The following CABIN1 variants were observed in gnomAD, a reference collection of about 807,000 sequenced individuals.
The protein encoded by CABIN1 is calcineurin binding protein 1.
In CABIN1, 133 loss-of-function variants were observed where a neutral mutation model predicts 227.7. The observed-to-expected ratio is 0.58, with a 90% CI of 0.51 to 0.67. The LOEUF (loss-of-function observed/expected upper bound fraction) is 0.67, where lower values mean the gene tolerates loss of function less well. Among genes scored for constraint, CABIN1 ranks in the 30% least tolerant of loss-of-function variants. CABIN1 has a pLI of 0.00. For missense variants in CABIN1, 2,408 were observed against 2,852.5 expected, an observed-to-expected ratio of 0.84 and a Z score of 3.55; for synonymous variants, 1,086 against 1,155.1, an observed-to-expected ratio of 0.94 and a Z score of 1.21.
intron 8 of CABIN1, 29 bp from the exon 9 acceptor site, chr22:24,054,844 G>T: frequency 1.2e-6 from 2 of 1,614,130 alleles, no homozygotes; most frequent in South Asian, 2.2e-5. Flanking sequence ...ACAGGGTGGT[G>T]ATCAGGTGTT....
intron 19 of CABIN1, among the ~76,000 whole-genome samples, chr22:24,078,508 T>C (rs1272145585): frequency 1.3e-5 from 2 of 152,216 alleles, no homozygotes; most frequent in African/African-American, 4.8e-5. Context: ...GGAGACCTTT[T>C]GTGTGGATTA....
chr22:24,018,989 GTATT>G lies in CABIN1; in HGVS notation c.-75+7625_-75+7628del, dbSNP rs1472448760. Among the ~76,000 whole-genome samples, 25 of 151,902 alleles carry G rather than the reference GTATT, an allele frequency of 1.6e-4. 1 individual carries two copies. In the South Asian group the frequency reaches 4.0e-3, roughly 24 times the overall value. ...CAGTTTTAATTAACTTTATTCCTAAGTATTTAATGATCTTGTTGCTATTGCAAAT... is the reference window on the plus strand; with the variant it reads ...CAGTTTTAATTAACTTTATTCCTAAGTAATGATCTTGTTGCTATTGCAAAT... On this transcript the variant is annotated intron_variant, in intron 1 of 36. Coordinates refer to ENST00000263119, the MANE Select transcript of CABIN1 (RefSeq NM_012295.4).
chr22:24,156,313 G>A (rs958504248), intron 29 of CABIN1, among the ~76,000 whole-genome samples: 6 of 152,172 alleles, frequency 3.9e-5, no homozygotes, highest in African/African-American at 7.2e-5. Context: ...GGCCGGCGGC[G>A]GGGTGCTGCG....
intron 20 of CABIN1, 30 bp downstream of exon 20, chr22:24,083,419 A>G: frequency 1.2e-6 from 2 of 1,612,934 alleles, no homozygotes; most frequent in Non-Finnish European, 1.7e-6. Context: ...CCCAACAAAG[A>G]GGGAAGCAGG....
chr22:24,178,396 G>T lies in CABIN1; in HGVS notation c.*200G>T. ...CCACACCACATGGGAGCCCAGAGGAGGAGGGGCCCGCCTTAGCCATGTGAA... is the reference window on the plus strand; with the variant it reads ...CCACACCACATGGGAGCCCAGAGGATGAGGGGCCCGCCTTAGCCATGTGAA... On this transcript the variant is annotated 3_prime_UTR_variant, in exon 37 of 37. Coordinates refer to ENST00000263119, the MANE Select transcript of CABIN1 (RefSeq NM_012295.4). The T allele has an allele frequency of 1.6e-6, 1 of 635,272 alleles. No individual in the cohort carries two copies. 39.4% of individuals were successfully genotyped at this position (635,272 alleles called of 1,614,324 possible). A position where few individuals can be genotyped will look rare whatever the true frequency, so the allele number is the denominator to read the frequency against.
At chr22:24,156,527 T>G (rs894210847) in intron 29 of CABIN1, 2 of 154,688 alleles carry the variant, frequency 1.3e-5, no homozygotes, top group Admixed American at 6.5e-5. Flanking sequence ...AGAGCAACTT[T>G]GCGGCGGAAG....
intron 6 of CABIN1, among the ~76,000 whole-genome samples, chr22:24,043,519 A>G (rs1049003756): frequency 6.6e-6 from 1 of 152,068 alleles, no homozygotes; most frequent in African/African-American, 2.4e-5. Context: ...TAGGGGGCCA[A>G]GGCAGGCAGA....
intron 34 of CABIN1, 117 bp downstream of exon 34, chr22:24,172,112 TC>T: frequency 7.8e-7 from 1 of 1,288,448 alleles, no homozygotes; most frequent in Non-Finnish European, 1.1e-6. Flanking sequence ...GCCCAGTCGA[TC>T]CCACAGGGTG....
chr22:24,045,429 G>C (rs909246526), intron 6 of CABIN1, among the ~76,000 whole-genome samples: 4 of 151,896 alleles, frequency 2.6e-5, no homozygotes, highest in Non-Finnish European at 4.4e-5. Context: ...GCCTGGGCAA[G>C]ATAGTGAAAC....
chr22:24,104,508 C>T (rs2042397049), intron 26 of CABIN1, among the ~76,000 whole-genome samples: 1 of 152,218 alleles, frequency 6.6e-6, no homozygotes, highest in African/African-American at 2.4e-5. Context: ...TGGCAGTGCT[C>T]AGTTGGCCCT....
In CABIN1 at chr22:24,113,453, C is replaced by T. The variant is rs562780549; in HGVS notation, c.4118-113C>T. On this transcript the variant is annotated intron_variant, in intron 26 of 36. Transcript: ENST00000263119. Reference sequence around the variant, plus strand: ...TCGAATGGCTGTGTTCAGGCCATCTCCTGCAAAGCAGTCCCCAGGCCACCG... The same window carrying T: ...TCGAATGGCTGTGTTCAGGCCATCTTCTGCAAAGCAGTCCCCAGGCCACCG... 5.0e-5 allele frequency: 49 copies of T among 981,252 alleles called. No homozygotes were observed. The Admixed American group carries it at 6.1e-4, about 12-fold the overall frequency. The allele number at this position is 981,252 out of a possible 1,614,324, so 60.8% of individuals were successfully genotyped here.
intron 23 of CABIN1, among the ~76,000 whole-genome samples, chr22:24,090,117 C>T (rs2041444388): frequency 6.6e-6 from 1 of 152,202 alleles, no homozygotes; most frequent in African/African-American, 2.4e-5. Flanking sequence ...GGTATTGTGA[C>T]CTCCACACCA....
At chr22:24,035,599 C>T (rs2036815256) in intron 2 of CABIN1, 79 bp downstream of exon 2, 3 of 1,555,904 alleles carry the variant, frequency 1.9e-6, no homozygotes, top group Non-Finnish European at 2.7e-6. Context: ...GGGCATTTTC[C>T]TGTTAGATTC....
At chr22:24,128,272 CT>C (rs1420468267) in intron 28 of CABIN1, among the ~76,000 whole-genome samples, 2 of 141,864 alleles carry the variant, frequency 1.4e-5, no homozygotes, top group African/African-American at 5.4e-5. Context: ...GATTGCATGA[CT>C]TCTAATGCCT....
intron 19 of CABIN1, 115 bp from the exon 20 acceptor site, chr22:24,083,113 T>C: frequency 9.5e-7 from 1 of 1,054,626 alleles, no homozygotes; most frequent in South Asian, 1.3e-5. Context: ...CCAACAGACA[T>C]AGCCACCTCA....
At chr22:24,080,960 G>A (rs1374721989) in intron 19 of CABIN1, among the ~76,000 whole-genome samples, 1 of 151,868 alleles carries the variant, frequency 6.6e-6, no homozygotes, top group African/African-American at 2.4e-5. Flanking sequence ...GGTCACCAAA[G>A]CTTTTCCTGT....
At chr22:24,176,622 C>T (rs572573748) in intron 35 of CABIN1, among the ~76,000 whole-genome samples, 1 of 152,278 alleles carries the variant, frequency 6.6e-6, no homozygotes, top group Admixed American at 6.5e-5. Flanking sequence ...GAGGAGTAGG[C>T]ATGGACAGGG....
chr22:24,021,269 C>T (rs1022135449), intron 1 of CABIN1, among the ~76,000 whole-genome samples: 1 of 151,910 alleles, frequency 6.6e-6, no homozygotes, highest in African/African-American at 2.4e-5. Flanking sequence ...ATCCTCCAAC[C>T]CCAGCCTCCC....
At chr22:24,077,174 C>G (rs2040500095) in intron 19 of CABIN1, among the ~76,000 whole-genome samples, 1 of 152,176 alleles carries the variant, frequency 6.6e-6, no homozygotes, top group Non-Finnish European at 1.5e-5. Context: ...CACCCTCCCT[C>G]CCAGTACTCC....
Sources: gnomAD v4.1 joint callset for allele counts (sites outside exome capture counted in the v4.1 genomes callset) on GRCh38, gnomAD v4.1.1 for gene constraint, MANE v1.5 for transcripts, NCBI Gene and HGNC (gene_info 2026-07-23, HGNC 2026-07-21) for gene names.